The following ROCK1 variants were observed in gnomAD, a reference collection of about 807,000 sequenced individuals.
ROCK1 encodes Rho associated coiled-coil containing protein kinase 1.
In ROCK1, 36 loss-of-function variants were observed where a neutral mutation model predicts 196.8. The ratio of observed to expected loss-of-function variants is 0.18; its 90% CI spans 0.14 to 0.24. ROCK1 has a LOEUF of 0.24. Ranked by LOEUF, ROCK1 falls within the 10% of genes least tolerant of loss-of-function variation. The probability of loss-of-function intolerance (pLI) is 1.00; values close to 1 mark genes in which losing one functional copy is unlikely to be tolerated. For synonymous variants in ROCK1, 443 were observed against 515.9 expected (o/e 0.86, Z 1.91); for missense variants, 920 against 1,562.0 (o/e 0.59, Z 6.93).
rs1208186245 is a variant in ROCK1 at position 21,107,534 on chromosome 18, T to C, written c.93+3284A>G. Among the ~76,000 whole-genome samples, 15 of 152,032 alleles carry C rather than the reference T, an allele frequency of 9.9e-5. 1 individual carries two copies. The highest frequency in any genetic ancestry group is 9.8e-4 in the Admixed American group (15 of 15,262). Reference sequence around the variant, plus strand: ...CAAAATAACAGAAAAAGGCAACCAATGTAAAAGGAGTTTTGTTCCTATAAT... The same window carrying C: ...CAAAATAACAGAAAAAGGCAACCAACGTAAAAGGAGTTTTGTTCCTATAAT... On this transcript the variant is annotated intron_variant, in intron 1 of 32. Transcript: ENST00000399799.
At chr18:21,001,318 T>A (rs1255911039) in intron 16 of ROCK1, among the ~76,000 whole-genome samples, 1 of 152,208 alleles carries the variant, frequency 6.6e-6, no homozygotes, top group Non-Finnish European at 1.5e-5. Context: ...ATTTTGTAGT[T>A]TCAAAATGAA....
intron 27 of ROCK1, among the ~76,000 whole-genome samples, chr18:20,961,524 G>A (rs775576206): frequency 3.9e-5 from 6 of 152,086 alleles, no homozygotes; most frequent in Non-Finnish European, 7.4e-5. Flanking sequence ...CAGGGTAAAC[G>A]GACTTGGGCA....
At chr18:21,095,731 G>GAA (rs574150954) in intron 1 of ROCK1, among the ~76,000 whole-genome samples, 81 of 123,734 alleles carry the variant, frequency 6.5e-4, no homozygotes, top group African/African-American at 2.3e-3. Flanking sequence ...ATGGGTACAA[G>GAA]AAAAAAAAAA....
intron 1 of ROCK1, among the ~76,000 whole-genome samples, chr18:21,085,475 T>A (rs1240005802): frequency 6.6e-6 from 1 of 151,782 alleles, no homozygotes; most frequent in Non-Finnish European, 1.5e-5. Context: ...GTAGAAAAAT[T>A]AATGGAAAAT....
At chr18:21,026,311 G>T (rs2035955349) in intron 10 of ROCK1, among the ~76,000 whole-genome samples, 1 of 151,992 alleles carries the variant, frequency 6.6e-6, no homozygotes, top group Non-Finnish European at 1.5e-5. Context: ...GGGCATGGTG[G>T]CACATGCCTG....
At position 20,977,587 on chromosome 18, in the gene ROCK1, T is replaced by C. The variant is rs1184465770; in HGVS notation, c.2654+2323A>G. Among the ~76,000 whole-genome samples the C allele has an allele frequency of 2.0e-5, 3 of 152,246 alleles. No homozygotes were observed. The East Asian group carries it at 5.8e-4, about 29-fold the overall frequency. ...TGATTCTGAAGCACCTGAAGAATCA[T>C]AACTTACTAATAATTGGATAGCTGC... is the stretch of plus-strand genomic sequence containing the variant. On this transcript the variant is annotated intron_variant, in intron 22 of 32. Coordinates refer to ENST00000399799, the MANE Select transcript of ROCK1 (RefSeq NM_005406.3).
intron 27 of ROCK1, among the ~76,000 whole-genome samples, chr18:20,963,729 A>T (rs1323447158): frequency 2.0e-5 from 3 of 152,188 alleles, no homozygotes; most frequent in African/African-American, 7.2e-5. Context: ...GAATGAGGAA[A>T]AGAAACAGTT....
intron 2 of ROCK1, among the ~76,000 whole-genome samples, chr18:21,065,261 A>T (rs2036324166): frequency 6.6e-6 from 1 of 152,218 alleles, no homozygotes; most frequent in African/African-American, 2.4e-5. Context: ...CCAAAAATTT[A>T]CCAACTGTAC....
At chr18:21,063,684 GTAGGTAACTGTACA>G (rs2036310555) in intron 2 of ROCK1, among the ~76,000 whole-genome samples, 1 of 152,166 alleles carries the variant, frequency 6.6e-6, no homozygotes, top group East Asian at 1.9e-4. Flanking sequence ...TGGCAGCAAC[GTAGGTAACTGTACA>G]TAGGCAAAAG....
intron 21 of ROCK1, among the ~76,000 whole-genome samples, chr18:20,981,694 A>T (rs2035535045): frequency 6.6e-6 from 1 of 152,194 alleles, no homozygotes; most frequent in Non-Finnish European, 1.5e-5. Context: ...ACACTTATTT[A>T]TTACACTAAG....
rs1487454563 is a variant in ROCK1 at position 20,966,943 on chromosome 18, G to C, written c.3326C>G (p.Ala1109Gly). The change falls in exon 27 of 33, where the codon GCT (alanine) becomes GGT (glycine). Residue 1109 changes from alanine to glycine, a missense_variant. By Grantham distance (60) the Ala-to-Gly change is moderately conservative (BLOSUM62 0). Coordinates refer to ENST00000399799, the MANE Select transcript of ROCK1 (RefSeq NM_005406.3). The part of the protein sequence containing the change: ...DSTSVASFPS[A>G]DETDGNLPES... ...TGGGAGGTTACCATCAGTTTCATCAGCACTAGGAAAACTAGCAACACTTGT... is the reference window on the plus strand; with the variant it reads ...TGGGAGGTTACCATCAGTTTCATCACCACTAGGAAAACTAGCAACACTTGT... 1 of 1,613,020 alleles carries C rather than the reference G, an allele frequency of 6.2e-7. No individual in the cohort carries two copies. The highest frequency in any genetic ancestry group is 1.7e-5 in the Admixed American group (1 of 59,966).
At chr18:21,019,695 G>T (rs974669963) in intron 12 of ROCK1, among the ~76,000 whole-genome samples, 1 of 151,802 alleles carries the variant, frequency 6.6e-6, no homozygotes, top group Non-Finnish European at 1.5e-5. Context: ...CTACTCGGGA[G>T]GCTGAGGCAG....
chr18:20,982,472 G>A (rs2035542064), intron 21 of ROCK1, among the ~76,000 whole-genome samples: 1 of 152,108 alleles, frequency 6.6e-6, no homozygotes, highest in Non-Finnish European at 1.5e-5. Flanking sequence ...GGCTGGTCTT[G>A]AACTCCTGAC....
At position 21,111,424 on chromosome 18, in the gene ROCK1, T is replaced by G; in HGVS notation, c.-514A>C. 3.0e-6 allele frequency: 1 copy of G among 336,348 alleles called. No individual in the cohort carries two copies. The allele number at this position is 336,348 out of a possible 1,614,324, so 20.8% of individuals were successfully genotyped here. ...GGGCCCGCTCCGCTCAGAGGCGCTGTAGACGGTCTAGCCCCGCGTCCCCGG... is the reference window on the plus strand; with the variant it reads ...GGGCCCGCTCCGCTCAGAGGCGCTGGAGACGGTCTAGCCCCGCGTCCCCGG... On this transcript the variant is annotated 5_prime_UTR_variant, in exon 1 of 33. Coordinates refer to ENST00000399799, the MANE Select transcript of ROCK1 (RefSeq NM_005406.3). The surrounding 1 kb of genome is among the most constrained non-coding windows in gnomAD (Gnocchi z 4.2).
chr18:21,002,537 G>A (rs2035733838), intron 16 of ROCK1, among the ~76,000 whole-genome samples: 1 of 152,114 alleles, frequency 6.6e-6, no homozygotes, highest in Non-Finnish European at 1.5e-5. Flanking sequence ...TCTTTTATAA[G>A]CTGTACCTCA....
At chr18:20,995,854 C>T (rs566603606) in intron 16 of ROCK1, among the ~76,000 whole-genome samples, 20 of 152,296 alleles carry the variant, frequency 1.3e-4, no homozygotes, top group Admixed American at 5.9e-4. Context: ...TCGGATGCCT[C>T]CTAATACAGA....
chr18:21,015,637 T>C (rs1438562832), intron 12 of ROCK1, among the ~76,000 whole-genome samples, 158 bp from the exon 13 acceptor site: 4 of 152,146 alleles, frequency 2.6e-5, no homozygotes, highest in Admixed American at 2.0e-4. Flanking sequence ...ATGGCCTTTT[T>C]TCAAAATATT....
intron 3 of ROCK1, 89 bp from the exon 4 acceptor site, chr18:21,049,318 A>G: frequency 1.0e-6 from 1 of 1,003,146 alleles, no homozygotes. Context: ...TGCTTTTAAT[A>G]CTTGCTAAAT....
At chr18:20,964,607 A>C (rs1221584972) in intron 27 of ROCK1, among the ~76,000 whole-genome samples, 1 of 152,234 alleles carries the variant, frequency 6.6e-6, no homozygotes, top group Non-Finnish European at 1.5e-5. Context: ...AAGAGGTATT[A>C]ACTGGCCTCT....
Sources: allele counts gnomAD v4.1 joint callset (sites outside exome capture counted in the v4.1 genomes callset), GRCh38; gene constraint gnomAD v4.1.1; non-coding constraint Gnocchi (gnomAD v3.1); transcripts MANE v1.5; gene names NCBI Gene and HGNC (gene_info 2026-07-23, HGNC 2026-07-21).